Variants in GALNTL6 observed in about 807,000 individuals in gnomAD.
The protein encoded by GALNTL6 is polypeptide N-acetylgalactosaminyltransferase-like 6.
GALNTL6 carries 46 observed loss-of-function variants against 73.7 expected under a neutral mutation model. That is an observed-to-expected ratio of 0.62 (90% CI 0.49 to 0.80). The LOEUF (loss-of-function observed/expected upper bound fraction) is 0.80, where lower values mean the gene tolerates loss of function less well. GALNTL6 is among the 30% of genes least tolerant of loss of function. The pLI, the probability that GALNTL6 is intolerant of heterozygous loss-of-function variation, is 0.00. For synonymous variants in GALNTL6, 259 were observed against 263.7 expected, an observed-to-expected ratio of 0.98 and a Z score of 0.17; for missense variants, 604 against 755.0, an observed-to-expected ratio of 0.80 and a Z score of 2.34.
chr4:172,326,476 C>A (rs1376028734), intron 4 of GALNTL6, among the ~76,000 whole-genome samples: 3 of 151,910 alleles, frequency 2.0e-5, no homozygotes, highest in African/African-American at 7.2e-5. Flanking sequence ...TAGTAATATT[C>A]TTTGCTTTGA....
At chr4:172,953,920 AT>A (rs1481044040) in intron 10 of GALNTL6, among the ~76,000 whole-genome samples, 1 of 152,154 alleles carries the variant, frequency 6.6e-6, no homozygotes. Context: ...TTTGAAAAGA[AT>A]TTTCTTAATC....
chr4:172,311,262 A>G (rs1169660638), intron 3 of GALNTL6, among the ~76,000 whole-genome samples: 2 of 152,168 alleles, frequency 1.3e-5, no homozygotes, highest in Non-Finnish European at 2.9e-5. Flanking sequence ...AAATAACATC[A>G]ACTATTGGAA....
intron 8 of GALNTL6, among the ~76,000 whole-genome samples, chr4:172,913,155 T>A (rs763468175): frequency 6.6e-6 from 1 of 152,200 alleles, no homozygotes; most frequent in Non-Finnish European, 1.5e-5. Flanking sequence ...CTAAGGGTCC[T>A]GACTGTTAGA....
At chr4:172,298,977 G>C (rs1468494924) in intron 3 of GALNTL6, among the ~76,000 whole-genome samples, 1 of 152,160 alleles carries the variant, frequency 6.6e-6, no homozygotes, top group Non-Finnish European at 1.5e-5. Flanking sequence ...GTAGAATTTG[G>C]CTGTGAATCC....
chr4:172,704,091 T>C (rs1734186331), intron 5 of GALNTL6, among the ~76,000 whole-genome samples: 1 of 151,940 alleles, frequency 6.6e-6, no homozygotes, highest in African/African-American at 2.4e-5. Flanking sequence ...CTCATTTTTT[T>C]CTTAGTACTC....
At chr4:172,393,615 T>A (rs6553632) in intron 5 of GALNTL6, among the ~76,000 whole-genome samples, 122,954 of 152,196 alleles carry the variant, frequency 0.81, 50,542 homozygotes, top group Non-Finnish European at 0.88. Context: ...TTACATAGCA[T>A]ACGAAAATAT....
intron 5 of GALNTL6, among the ~76,000 whole-genome samples, chr4:172,446,856 G>A (rs1156747353): frequency 1.3e-5 from 2 of 152,154 alleles, no homozygotes; most frequent in African/African-American, 4.8e-5. Flanking sequence ...TTTTGCAACT[G>A]TGGATGATAT....
At chr4:172,094,678 T>C (rs964376089) in intron 2 of GALNTL6, among the ~76,000 whole-genome samples, 1 of 152,142 alleles carries the variant, frequency 6.6e-6, no homozygotes, top group Non-Finnish European at 1.5e-5. Context: ...GGTTTATTTG[T>C]ATAGATTCTT....
chr4:172,455,885 C>A (rs909173387), intron 5 of GALNTL6, among the ~76,000 whole-genome samples: 7 of 152,182 alleles, frequency 4.6e-5, no homozygotes, highest in Non-Finnish European at 1.0e-4. Flanking sequence ...GGTCCCTGAC[C>A]CCAGTGCCTC....
chr4:171,959,529 G>A (rs1739153852), intron 2 of GALNTL6, among the ~76,000 whole-genome samples: 1 of 151,698 alleles, frequency 6.6e-6, no homozygotes, highest in African/African-American at 2.4e-5. Context: ...GGGGCGCTGG[G>A]GTGTCTTCTT....
At chr4:172,767,165 G>A (rs945272406) in intron 5 of GALNTL6, among the ~76,000 whole-genome samples, 8 of 152,188 alleles carry the variant, frequency 5.3e-5, no homozygotes, top group South Asian at 2.1e-4. Flanking sequence ...GTCTTTCAAC[G>A]TATTATTTGT....
In GALNTL6 at chr4:172,497,463, C is replaced by G. The variant is rs562297217; in HGVS notation, c.553+148774C>G. On this transcript the variant is annotated intron_variant, in intron 5 of 12. Transcript: ENST00000506823. ...GTGGGAACTGATTGAATGTGAAAAA[C>G]AACAAAGCTTGAAAAACCCTCTAAT... 3.3e-5 allele frequency among the ~76,000 whole-genome samples: 5 copies of G among 152,188 alleles called. No individual in the cohort carries two copies. In the East Asian group the frequency reaches 9.6e-4, roughly 29 times the overall value.
chr4:171,823,704 G>C, intron 2 of GALNTL6, among the ~76,000 whole-genome samples: 1 of 151,400 alleles, frequency 6.6e-6, no homozygotes, highest in East Asian at 1.9e-4. Flanking sequence ...ATACTGAAAG[G>C]AGATGTCAGG....
At chr4:172,036,768 G>C (rs777357381) in intron 2 of GALNTL6, among the ~76,000 whole-genome samples, 1 of 152,012 alleles carries the variant, frequency 6.6e-6, no homozygotes, top group East Asian at 1.9e-4. Flanking sequence ...CCCAGTTGAC[G>C]TTTCTACCCT....
rs141356446 is a variant in GALNTL6, at chr4:172,003,632, G to T, written c.138+188914G>T. On this transcript the variant is annotated intron_variant, in intron 2 of 12. Coordinates refer to ENST00000506823, the MANE Select transcript of GALNTL6 (RefSeq NM_001034845.3). Reference sequence around the variant, plus strand: ...ATCTTTAAGCCAATTTTCTATGTCAGATAATTCTTTAAAATGTCATGGTTG... The same window carrying T: ...ATCTTTAAGCCAATTTTCTATGTCATATAATTCTTTAAAATGTCATGGTTG... 3.4e-4 allele frequency among the ~76,000 whole-genome samples: 51 copies of T among 152,204 alleles called. No individual in the cohort carries two copies. The East Asian group carries it at 9.3e-3, about 28-fold the overall frequency.
intron 5 of GALNTL6, among the ~76,000 whole-genome samples, chr4:172,734,656 C>T (rs966050805): frequency 6.6e-6 from 1 of 152,180 alleles, no homozygotes; most frequent in African/African-American, 2.4e-5. Context: ...CTCCTGGTTG[C>T]TTTCATGGGC....
intron 2 of GALNTL6, among the ~76,000 whole-genome samples, chr4:171,837,341 A>C (rs1735118902): frequency 6.6e-6 from 1 of 152,026 alleles, no homozygotes; most frequent in African/African-American, 2.4e-5. Flanking sequence ...AATGCAAGGC[A>C]TGAGAGTGAA....
At chr4:171,995,010 C>T (rs1460886371) in intron 2 of GALNTL6, among the ~76,000 whole-genome samples, 2 of 151,754 alleles carry the variant, frequency 1.3e-5, no homozygotes, top group Non-Finnish European at 2.9e-5. Context: ...AATAAACTCT[C>T]TAGAAATATA....
chr4:172,461,261 T>C (rs1005147261), intron 5 of GALNTL6, among the ~76,000 whole-genome samples: 2 of 152,160 alleles, frequency 1.3e-5, no homozygotes, highest in African/African-American at 2.4e-5. Context: ...AAAAACCTAA[T>C]GTAGGTGACG....
Sources: gnomAD v4.1 joint callset for allele counts (sites outside exome capture counted in the v4.1 genomes callset) on GRCh38, gnomAD v4.1.1 for gene constraint, MANE v1.5 for transcripts, NCBI Gene and HGNC (gene_info 2026-07-23, HGNC 2026-07-21) for gene names.